The following NEGR1 variants were observed in gnomAD, a reference collection of about 807,000 sequenced individuals.
NEGR1 encodes the protein IgLON family member 4.
Under a neutral mutation model 40.9 loss-of-function variants are expected in NEGR1, and 10 were observed. The observed-to-expected ratio is 0.24, with a 90% CI of 0.15 to 0.42. The LOEUF (loss-of-function observed/expected upper bound fraction) is 0.42, where lower values mean the gene tolerates loss of function less well. Ranked by LOEUF, NEGR1 falls within the 10% of genes least tolerant of loss-of-function variation. The pLI, the probability that NEGR1 is intolerant of heterozygous loss-of-function variation, is 1.00. For missense variants in NEGR1, 352 were observed against 438.9 expected, an observed-to-expected ratio of 0.80 and a Z score of 1.77; for synonymous variants, 185 against 166.8, an observed-to-expected ratio of 1.11 and a Z score of -0.84.
chr1:71,852,484 G>C (rs1184640609), intron 2 of NEGR1, among the ~76,000 whole-genome samples: 2 of 151,948 alleles, frequency 1.3e-5, no homozygotes, highest in African/African-American at 4.8e-5. Flanking sequence ...ATCTTATCTG[G>C]AGCCTACGCA....
intron 6 of NEGR1, among the ~76,000 whole-genome samples, chr1:71,434,634 T>C (rs1646494209): frequency 1.3e-5 from 2 of 152,228 alleles, no homozygotes; most frequent in South Asian, 4.1e-4. Context: ...AGAAGTGCCA[T>C]AGTGATGCTG....
At chr1:71,959,079 C>T (rs995121463) in intron 1 of NEGR1, among the ~76,000 whole-genome samples, 2 of 152,020 alleles carry the variant, frequency 1.3e-5, no homozygotes, top group Non-Finnish European at 2.9e-5. Context: ...TTTGTTTACA[C>T]CATTATAATC....
chr1:71,843,448 C>A (rs1659310100), intron 2 of NEGR1, among the ~76,000 whole-genome samples: 1 of 152,112 alleles, frequency 6.6e-6, no homozygotes. Context: ...GAAATGGTAT[C>A]AAACCAGGTG....
At chr1:71,601,602 A>G (rs1649919875) in intron 5 of NEGR1, among the ~76,000 whole-genome samples, 1 of 152,240 alleles carries the variant, frequency 6.6e-6, no homozygotes. Flanking sequence ...TGTGGCACAT[A>G]TATTCAGTGA....
At chr1:71,640,947 G>T (rs1651329517) in intron 4 of NEGR1, among the ~76,000 whole-genome samples, 1 of 151,996 alleles carries the variant, frequency 6.6e-6, no homozygotes, top group Non-Finnish European at 1.5e-5. Flanking sequence ...ATGACTCCTT[G>T]CCATTGGATA....
chr1:71,501,886 A>C (rs1293215911), intron 6 of NEGR1, among the ~76,000 whole-genome samples: 1 of 152,240 alleles, frequency 6.6e-6, no homozygotes, highest in Non-Finnish European at 1.5e-5. Context: ...TTATATATTC[A>C]AAAGTTAAAC....
intron 6 of NEGR1, among the ~76,000 whole-genome samples, chr1:71,423,571 G>T (rs1646410752): frequency 6.6e-6 from 1 of 152,156 alleles, no homozygotes. Flanking sequence ...TTCACTGGTA[G>T]AGATTAGAGG....
chr1:71,669,940 C>T (rs1376368068), intron 4 of NEGR1, among the ~76,000 whole-genome samples: 1 of 152,196 alleles, frequency 6.6e-6, no homozygotes, highest in Non-Finnish European at 1.5e-5. Context: ...AGCCACCGCA[C>T]CTGGCCAATC....
intron 2 of NEGR1, among the ~76,000 whole-genome samples, chr1:71,909,494 T>G (rs558414673): frequency 1.3e-5 from 2 of 152,312 alleles, no homozygotes; most frequent in Admixed American, 1.3e-4. Flanking sequence ...CAAGAGAAAT[T>G]TCTTCAATCC....
chr1:71,768,090 T>C (rs760275539), intron 3 of NEGR1, among the ~76,000 whole-genome samples: 78 of 152,174 alleles, frequency 5.1e-4, no homozygotes, highest in Non-Finnish European at 9.6e-4. Context: ...AATAACTCTA[T>C]TGGGGCAGTA....
At chr1:72,090,304 T>A (rs1382248499) in intron 1 of NEGR1, among the ~76,000 whole-genome samples, 2 of 144,874 alleles carry the variant, frequency 1.4e-5, no homozygotes, top group East Asian at 2.0e-4. Context: ...CCAGGGAGGA[T>A]CAAAACAGAA....
At chr1:72,034,634 C>T (rs551523991) in intron 1 of NEGR1, among the ~76,000 whole-genome samples, 1 of 152,174 alleles carries the variant, frequency 6.6e-6, no homozygotes, top group Non-Finnish European at 1.5e-5. Flanking sequence ...ACTTCCCTGA[C>T]TCAAAAGGCT....
In NEGR1 at chr1:71,401,613, T is replaced by C. The variant is rs1646247068; in HGVS notation, c.*5833A>G. On this transcript the variant is annotated 3_prime_UTR_variant, in exon 7 of 7. Coordinates refer to ENST00000357731, the MANE Select transcript of NEGR1 (RefSeq NM_173808.3). ...ACAGATGTTCATGTTAGTATTTCAATATAAATGGCCTCAAACAACATCACT... is the reference window on the plus strand; with the variant it reads ...ACAGATGTTCATGTTAGTATTTCAACATAAATGGCCTCAAACAACATCACT... The C allele has an allele frequency of 6.6e-6, 1 of 152,214 alleles. No homozygotes were observed. Among genetic ancestry groups the C allele is most frequent in the African/African-American group, 2.4e-5 (1 of 41,458 alleles). 9.4% of individuals were successfully genotyped at this position (152,214 alleles called of 1,614,324 possible).
chr1:71,961,308 T>C (rs11209876), intron 1 of NEGR1, among the ~76,000 whole-genome samples: 65,381 of 151,938 alleles, frequency 0.43, 14,653 homozygotes, highest in Middle Eastern at 0.58. Flanking sequence ...GATACATGTT[T>C]TATTGAACAT....
chr1:71,655,264 C>T (rs1651840862), intron 4 of NEGR1, among the ~76,000 whole-genome samples: 1 of 152,096 alleles, frequency 6.6e-6, no homozygotes, highest in South Asian at 2.1e-4. Context: ...AAAGAGCTAT[C>T]TCAAGCAAGA....
intron 1 of NEGR1, among the ~76,000 whole-genome samples, chr1:72,234,672 A>G (rs1035878382): frequency 6.6e-6 from 1 of 152,126 alleles, no homozygotes; most frequent in African/African-American, 2.4e-5. Flanking sequence ...CTGGCCAACT[A>G]TCATATTAAT....
intron 6 of NEGR1, among the ~76,000 whole-genome samples, chr1:71,466,747 C>T (rs1433695026): frequency 1.3e-5 from 2 of 152,002 alleles, no homozygotes; most frequent in Non-Finnish European, 2.9e-5. Flanking sequence ...GGAGAGTAAG[C>T]AAGGGTTTTG....
At chr1:71,624,397 T>C (rs905208655) in intron 4 of NEGR1, among the ~76,000 whole-genome samples, 1 of 151,992 alleles carries the variant, frequency 6.6e-6, no homozygotes, top group Admixed American at 6.6e-5. Flanking sequence ...ACAGTGGCCA[T>C]AGTGTTTCTG....
At chr1:71,804,079 G>A (rs1377090151) in intron 2 of NEGR1, among the ~76,000 whole-genome samples, 1 of 151,826 alleles carries the variant, frequency 6.6e-6, no homozygotes, top group Admixed American at 6.6e-5. Context: ...AATAAATCAA[G>A]GTTGATAACA....
Sources: allele counts gnomAD v4.1 joint callset (sites outside exome capture counted in the v4.1 genomes callset), GRCh38; gene constraint gnomAD v4.1.1; transcripts MANE v1.5; gene names NCBI Gene and HGNC (gene_info 2026-07-23, HGNC 2026-07-21).